GPAT3: variants seen among roughly 807,000 people sequenced by gnomAD.
GPAT3 encodes 1-AGP acyltransferase 9.
GPAT3 carries 53 observed loss-of-function variants against 58.8 expected under a neutral mutation model. That is an observed-to-expected ratio of 0.90 (90% confidence interval 0.72 to 1.13). The LOEUF is 1.13. Among genes scored for constraint, GPAT3 ranks in the 50% most tolerant of loss-of-function variants. The probability of loss-of-function intolerance (pLI) is 0.00; values close to 1 mark genes in which losing one functional copy is unlikely to be tolerated. For missense variants in GPAT3, 511 were observed against 527.6 expected (o/e 0.97, Z 0.31); for synonymous variants, 197 against 187.4 (o/e 1.05, Z -0.42).
At chr4:83,565,668 G>T (rs1278209623) in intron 2 of GPAT3, among the ~76,000 whole-genome samples, 1 of 152,012 alleles carries the variant, frequency 6.6e-6, no homozygotes, top group Non-Finnish European at 1.5e-5. Context: ...GCTAATTTTT[G>T]TGTTGGGGAA....
In GPAT3 at chr4:83,598,161, G is replaced by A; in HGVS notation, c.1107G>A (p.Met369Ile). ...CCATCGTCTGTGACGTGTGGTACATGCCCCCCATGACCAGAGAGGTATTCC... is the reference window on the plus strand; with the variant it reads ...CCATCGTCTGTGACGTGTGGTACATACCCCCCATGACCAGAGAGGTATTCC... ...SWAIVCDVWY[M>I]PPMTREEGED... Residue 369 changes from methionine (M) to isoleucine (I), a missense_variant, in exon 10 of 12, where the codon ATG becomes ATA. Transcript: ENST00000264409. 2.5e-6 allele frequency: 4 copies of A among 1,613,010 alleles called. No homozygotes were observed. The highest frequency in any genetic ancestry group is 3.4e-6 in the Non-Finnish European group (4 of 1,179,650).
intron 2 of GPAT3, among the ~76,000 whole-genome samples, chr4:83,567,693 G>A (rs899201151): frequency 6.6e-6 from 1 of 152,136 alleles, no homozygotes; most frequent in Admixed American, 6.6e-5. Flanking sequence ...AGCACTTTGG[G>A]AGGCTGAGGC....
intron 2 of GPAT3, among the ~76,000 whole-genome samples, chr4:83,558,671 T>C (rs1201564215): frequency 1.3e-5 from 2 of 152,184 alleles, no homozygotes; most frequent in African/African-American, 2.4e-5. Context: ...ATTTAGTTTA[T>C]AGAAGGGACA....
intron 11 of GPAT3, among the ~76,000 whole-genome samples, chr4:83,599,004 G>T (rs1369031847): frequency 6.6e-6 from 1 of 151,648 alleles, no homozygotes; most frequent in African/African-American, 2.4e-5. Context: ...GCTGAGGCTG[G>T]TCTCAAACTC....
intron 11 of GPAT3, among the ~76,000 whole-genome samples, chr4:83,599,470 C>G (rs1301434539): frequency 6.6e-6 from 1 of 152,114 alleles, no homozygotes; most frequent in Non-Finnish European, 1.5e-5. Flanking sequence ...GCAAAGGAAG[C>G]TGGGGAATGT....
intron 2 of GPAT3, among the ~76,000 whole-genome samples, chr4:83,568,902 G>A (rs192367711): frequency 1.3e-3 from 192 of 152,200 alleles, no homozygotes; most frequent in African/African-American, 4.3e-3. Flanking sequence ...TGCCTAACAA[G>A]GAGCAACCTC....
In GPAT3 at chr4:83,569,272, T is replaced by C. The variant is rs888859268; in HGVS notation, c.209-12290T>C. Among the ~76,000 whole-genome samples, 5 of 152,312 alleles carry C rather than the reference T, an allele frequency of 3.3e-5. No individual in the cohort carries two copies. In the Middle Eastern group the frequency reaches 0.01, roughly 311 times the overall value. On this transcript the variant is annotated intron_variant, in intron 2 of 11. Transcript: ENST00000264409. ...GGACCTTGGAAGGAGCCTATGCAAGTTTGGACCCTGAAGTTTAACCTTACT... is the reference window on the plus strand; with the variant it reads ...GGACCTTGGAAGGAGCCTATGCAAGCTTGGACCCTGAAGTTTAACCTTACT...
chr4:83,562,236 AAT>A (rs553841896), intron 2 of GPAT3, among the ~76,000 whole-genome samples: 8 of 74,112 alleles, frequency 1.1e-4, no homozygotes, highest in African/African-American at 4.2e-4. Context: ...ATATATATAT[AAT>A]ATATATATAT....
At chr4:83,560,465 G>A (rs1398193971) in intron 2 of GPAT3, among the ~76,000 whole-genome samples, 3 of 151,888 alleles carry the variant, frequency 2.0e-5, no homozygotes, top group Admixed American at 6.6e-5. Flanking sequence ...ACAGTCATAC[G>A]TACCTGCTCA....
chr4:83,577,376 A>G (rs1359211983), intron 2 of GPAT3, among the ~76,000 whole-genome samples: 3 of 152,250 alleles, frequency 2.0e-5, no homozygotes, highest in African/African-American at 7.2e-5. Context: ...CTCATATTGC[A>G]TTAATGTCAA....
chr4:83,545,649 T>C (rs1724479352), intron 2 of GPAT3, among the ~76,000 whole-genome samples: 2 of 152,360 alleles, frequency 1.3e-5, no homozygotes. Context: ...TGGTGTATAC[T>C]TAAACACCCA....
intron 2 of GPAT3, 87 bp downstream of exon 2, chr4:83,544,689 A>AACACACTGCTCTCT: frequency 7.9e-7 from 1 of 1,273,332 alleles, no homozygotes; most frequent in Non-Finnish European, 1.1e-6. Context: ...ATATGCAGAG[A>AACACACTGCTCTCT]GCAGTGTGTT....
chr4:83,548,077 T>G (rs1332546772), intron 2 of GPAT3, among the ~76,000 whole-genome samples: 1 of 152,216 alleles, frequency 6.6e-6, no homozygotes, highest in African/African-American at 2.4e-5. Context: ...ATTCTGAGCA[T>G]TAAACTTCAG....
chr4:83,578,715 A>G (rs1429463044), intron 2 of GPAT3, among the ~76,000 whole-genome samples: 1 of 152,190 alleles, frequency 6.6e-6, no homozygotes, highest in Non-Finnish European at 1.5e-5. Context: ...CTGTAGAGCA[A>G]AAGGGTAATT....
rs554437819 is a variant in GPAT3 at position 83,536,652 on chromosome 4, C to T, written c.30C>T (p.Ile10=). ...AGGGCGCAGAGCTGGCCGGGAAGATCCTTTCCACCTGGCTGACGCTGGTTC... is the reference window on the plus strand; with the variant it reads ...AGGGCGCAGAGCTGGCCGGGAAGATTCTTTCCACCTGGCTGACGCTGGTTC... MEGAELAGK[I]LSTWLTLVLG... The change falls in exon 1 of 12, where the codon ATC becomes ATT. Residue 10 remains isoleucine (I), a synonymous_variant. Transcript: ENST00000264409. The T allele has an allele frequency of 6.4e-5, 103 of 1,613,184 alleles. No homozygotes were observed. The South Asian group carries it at 1.1e-3, about 17-fold the overall frequency.
Position 83,594,979 on chromosome 4 carries a change from C to T in GPAT3, c.854+19C>T, listed in dbSNP as rs1407030941. 1 of 1,599,628 alleles carries T rather than the reference C, an allele frequency of 6.3e-7. No homozygotes were observed. Among genetic ancestry groups the T allele is most frequent in the East Asian group, 2.2e-5 (1 of 44,796 alleles). The stretch of plus-strand genomic sequence containing the variant: ...CTAAGAGGTAAGCAGTGAAATTACT[C>T]AGCATTCACTGGAGTAGCATAAAAG... On this transcript the variant is annotated intron_variant, in intron 7 of 11. Coordinates refer to ENST00000264409, the MANE Select transcript of GPAT3 (RefSeq NM_032717.5).
intron 2 of GPAT3, among the ~76,000 whole-genome samples, chr4:83,577,236 A>C (rs901885888): frequency 6.6e-6 from 1 of 152,186 alleles, no homozygotes; most frequent in Middle Eastern, 3.2e-3. Context: ...GAACCTTTCC[A>C]CATTTAAAGA....
intron 6 of GPAT3, among the ~76,000 whole-genome samples, chr4:83,591,677 A>T (rs907414045): frequency 7.2e-5 from 11 of 152,270 alleles, no homozygotes; most frequent in African/African-American, 2.4e-4. Context: ...TGTATGTAAT[A>T]ATCCTTGTAT....
rs1268119383 is a variant in GPAT3 at position 83,545,543 on chromosome 4, G to T, written c.208+941G>T. ...AATTGTAGAAATTGTATTCTATAGTGAGTTTTGGAAATAACAAAATATTTG... is the reference window on the plus strand; with the variant it reads ...AATTGTAGAAATTGTATTCTATAGTTAGTTTTGGAAATAACAAAATATTTG... On this transcript the variant is annotated intron_variant, in intron 2 of 11. Coordinates refer to ENST00000264409, the MANE Select transcript of GPAT3 (RefSeq NM_032717.5). Among the ~76,000 whole-genome samples the T allele has an allele frequency of 2.0e-5, 3 of 152,076 alleles. No individual in the cohort carries two copies. The East Asian group carries it at 5.8e-4, about 29-fold the overall frequency.
Sources: allele counts gnomAD v4.1 joint callset (sites outside exome capture counted in the v4.1 genomes callset), GRCh38; gene constraint gnomAD v4.1.1; transcripts MANE v1.5; gene names NCBI Gene and HGNC (gene_info 2026-07-23, HGNC 2026-07-21).